The following AFG2A variants were observed in gnomAD, a reference collection of about 807,000 sequenced individuals.
AFG2A encodes the protein AAA ATPase AFG2A, also known as ATPase family gene 2 protein homolog A.
At chr4:122,944,322 G>A in the AFG2A span, among the ~76,000 whole-genome samples, 2 of 151,812 alleles carry the variant, frequency 1.3e-5, no homozygotes, top group African/African-American at 4.8e-5. Context: ...TTTCTTGGAT[G>A]CTTTGTTTGT....
the AFG2A span, among the ~76,000 whole-genome samples, chr4:123,116,849 T>C: frequency 6.6e-6 from 1 of 152,154 alleles, no homozygotes; most frequent in African/African-American, 2.4e-5. Context: ...ACATGAGAAA[T>C]TTGTATTATT....
chr4:123,011,557 C>T, the AFG2A span, among the ~76,000 whole-genome samples: 38 of 152,282 alleles, frequency 2.5e-4, no homozygotes, highest in Non-Finnish European at 4.1e-4. Flanking sequence ...GCACCTCAGA[C>T]CGTTTGCCCA....
the AFG2A span, among the ~76,000 whole-genome samples, chr4:123,169,923 A>C: frequency 6.6e-6 from 1 of 152,222 alleles, no homozygotes; most frequent in Non-Finnish European, 1.5e-5. Flanking sequence ...TGATTGGAAC[A>C]AAGAAAGGAG....
chr4:123,306,385 T>C, the AFG2A span, among the ~76,000 whole-genome samples: 46 of 152,292 alleles, frequency 3.0e-4, no homozygotes, highest in South Asian at 7.1e-3. Context: ...AATAAATTAG[T>C]GTCATAGCCA....
At chr4:122,965,448 G>C in the AFG2A span, among the ~76,000 whole-genome samples, 1 of 152,162 alleles carries the variant, frequency 6.6e-6, no homozygotes, top group Non-Finnish European at 1.5e-5. Flanking sequence ...TCATATACAA[G>C]TCATACGTTG....
chr4:123,147,759 G>A, the AFG2A span, among the ~76,000 whole-genome samples: 1 of 152,038 alleles, frequency 6.6e-6, no homozygotes, highest in Non-Finnish European at 1.5e-5. Context: ...GATTCCAGCT[G>A]TCTCATTAAG....
chr4:123,018,332 G>T, the AFG2A span, among the ~76,000 whole-genome samples: 1 of 152,130 alleles, frequency 6.6e-6, no homozygotes, highest in Non-Finnish European at 1.5e-5. Flanking sequence ...AATGATTTAG[G>T]TTATATTGTA....
the AFG2A span, among the ~76,000 whole-genome samples, chr4:123,212,963 T>C: frequency 6.6e-6 from 1 of 152,198 alleles, no homozygotes; most frequent in African/African-American, 2.4e-5. Context: ...TGGTTACTTT[T>C]AGCCATTAAC....
the AFG2A span, among the ~76,000 whole-genome samples, chr4:123,060,621 G>T: frequency 6.6e-6 from 1 of 152,142 alleles, no homozygotes; most frequent in Non-Finnish European, 1.5e-5. Flanking sequence ...CTCAGCAGTG[G>T]CAGGGGGGGC....
chr4:123,084,526 C>G, the AFG2A span, among the ~76,000 whole-genome samples: 2 of 149,952 alleles, frequency 1.3e-5, no homozygotes, highest in East Asian at 3.9e-4. Context: ...TTGATAAGTT[C>G]TATTTATATA....
At chr4:123,261,278 C>T in the AFG2A span, among the ~76,000 whole-genome samples, 2 of 152,260 alleles carry the variant, frequency 1.3e-5, no homozygotes, top group African/African-American at 4.8e-5. Context: ...CTCTATTCTT[C>T]CTTGTGTCTT....
At chr4:122,949,424 C>G in the AFG2A span, among the ~76,000 whole-genome samples, 13 of 152,272 alleles carry the variant, frequency 8.5e-5, no homozygotes, top group East Asian at 2.5e-3. Context: ...TACCAAGTAT[C>G]GAAGTGGCCC....
the AFG2A span, among the ~76,000 whole-genome samples, chr4:123,029,451 T>C: frequency 6.6e-6 from 1 of 152,216 alleles, no homozygotes; most frequent in Non-Finnish European, 1.5e-5. Flanking sequence ...TTGTCAACTT[T>C]TGGCTTTACT....
chr4:123,122,534 C>T, the AFG2A span, among the ~76,000 whole-genome samples: 2 of 152,148 alleles, frequency 1.3e-5, no homozygotes. Flanking sequence ...TTCTTCTGAA[C>T]ATGTATCACT....
At chr4:123,148,218 C>CA in the AFG2A span, among the ~76,000 whole-genome samples, 1 of 152,062 alleles carries the variant, frequency 6.6e-6, no homozygotes, top group Non-Finnish European at 1.5e-5. Flanking sequence ...TGTGAGAAGG[C>CA]AAAAATCTCA....
At chr4:123,026,409 C>G in the AFG2A span, among the ~76,000 whole-genome samples, 3 of 151,688 alleles carry the variant, frequency 2.0e-5, no homozygotes, top group Admixed American at 1.3e-4. Context: ...TCATATAGAA[C>G]TAAAAAAAAA....
chr4:123,304,670 C>A, the AFG2A span, among the ~76,000 whole-genome samples: 50 of 152,290 alleles, frequency 3.3e-4, no homozygotes, highest in South Asian at 0.01. Flanking sequence ...TTGGTAGATT[C>A]TTTAAAGCTA....
At chr4:123,028,477 G>A in the AFG2A span, 23 of 1,115,164 alleles carry the variant, frequency 2.1e-5, no homozygotes, top group Middle Eastern at 2.4e-4. Context: ...TTAGGAGAAC[G>A]AATAAAGGCA....
At chr4:123,154,615 A>G in the AFG2A span, among the ~76,000 whole-genome samples, 1 of 152,244 alleles carries the variant, frequency 6.6e-6, no homozygotes. Flanking sequence ...GTGAATATTC[A>G]ACCAATCCTA....
Sources: gnomAD v4.1 joint callset for allele counts (sites outside exome capture counted in the v4.1 genomes callset) on GRCh38, gnomAD v4.1.1 for gene constraint, MANE v1.5 for transcripts, NCBI Gene and HGNC (gene_info 2026-07-23, HGNC 2026-07-21) for gene names.